The following ZNF521 variants were observed in gnomAD, a reference collection of about 807,000 sequenced individuals.
ZNF521 encodes the protein zinc finger protein 521.
A neutral mutation model predicts 105.5 loss-of-function variants in ZNF521; 14 were observed. The observed-to-expected ratio is 0.13, with a 90% CI of 0.09 to 0.21. The LOEUF is 0.21. Among genes scored for constraint, ZNF521 ranks in the 10% least tolerant of loss-of-function variants. The probability of loss-of-function intolerance (pLI) is 1.00; values close to 1 mark genes in which losing one functional copy is unlikely to be tolerated. For missense variants in ZNF521, 1,233 were observed against 1,629.7 expected, an observed-to-expected ratio of 0.76 and a Z score of 4.19; for synonymous variants, 635 against 606.0, an observed-to-expected ratio of 1.05 and a Z score of -0.70.
intron 2 of ZNF521, among the ~76,000 whole-genome samples, chr18:25,338,609 AC>A (rs1241611176): frequency 2.0e-5 from 3 of 152,014 alleles, no homozygotes; most frequent in African/African-American, 7.3e-5. Flanking sequence ...ATGGGGATTC[AC>A]CATGTTGCCC....
At chr18:25,088,642 A>C (rs1486688459) in intron 7 of ZNF521, among the ~76,000 whole-genome samples, 1 of 152,218 alleles carries the variant, frequency 6.6e-6, no homozygotes, top group Non-Finnish European at 1.5e-5. Flanking sequence ...ACCCATTTTC[A>C]AGGTGAAGTA....
At chr18:25,210,006 T>C (rs2036150605) in intron 4 of ZNF521, among the ~76,000 whole-genome samples, 1 of 152,190 alleles carries the variant, frequency 6.6e-6, no homozygotes, top group Non-Finnish European at 1.5e-5. Flanking sequence ...GAATAAGCTA[T>C]AGTTCTAGCA....
intron 3 of ZNF521, among the ~76,000 whole-genome samples, chr18:25,303,751 G>A (rs1911800353): frequency 6.6e-6 from 1 of 151,946 alleles, no homozygotes; most frequent in African/African-American, 2.4e-5. Flanking sequence ...ACTCACACTT[G>A]GTATAAATGG....
chr18:25,083,060 A>G (rs1235465883), intron 7 of ZNF521, among the ~76,000 whole-genome samples: 1 of 151,940 alleles, frequency 6.6e-6, no homozygotes, highest in Non-Finnish European at 1.5e-5. Flanking sequence ...TCCAAACTAC[A>G]CTCAGATTCT....
At chr18:25,348,346 A>C (rs1914552995) in intron 2 of ZNF521, among the ~76,000 whole-genome samples, 1 of 152,222 alleles carries the variant, frequency 6.6e-6, no homozygotes, top group Non-Finnish European at 1.5e-5. Context: ...AATACTGAAG[A>C]GAAGGCTAGG....
At chr18:25,145,454 C>T (rs539024757) in intron 5 of ZNF521, among the ~76,000 whole-genome samples, 9 of 152,192 alleles carry the variant, frequency 5.9e-5, no homozygotes, top group African/African-American at 2.2e-4. Context: ...ATGGCACAAC[C>T]ACCACCACCA....
intron 3 of ZNF521, among the ~76,000 whole-genome samples, chr18:25,257,542 G>A (rs1383363760): frequency 1.3e-5 from 2 of 152,134 alleles, no homozygotes; most frequent in African/African-American, 4.8e-5. Context: ...ACTGTCTCAA[G>A]GTGGAGGGTG....
chr18:25,281,644 A>G (rs1910387067), intron 3 of ZNF521, among the ~76,000 whole-genome samples: 1 of 152,194 alleles, frequency 6.6e-6, no homozygotes, highest in Non-Finnish European at 1.5e-5. Context: ...TAGTAGCTCC[A>G]TTTTACAGAT....
chr18:25,264,155 A>C (rs1457333850), intron 3 of ZNF521, among the ~76,000 whole-genome samples: 2 of 152,178 alleles, frequency 1.3e-5, no homozygotes. Flanking sequence ...TTTGGACCGC[A>C]ACTACTCTTG....
intron 2 of ZNF521, among the ~76,000 whole-genome samples, chr18:25,330,986 A>C (rs1173636626): frequency 6.6e-6 from 1 of 152,224 alleles, no homozygotes; most frequent in Non-Finnish European, 1.5e-5. Flanking sequence ...AAGGGCTTAA[A>C]GTAAAATACC....
At chr18:25,068,712 C>T (rs569331223) in intron 7 of ZNF521, among the ~76,000 whole-genome samples, 64 of 152,216 alleles carry the variant, frequency 4.2e-4, no homozygotes, top group Non-Finnish European at 7.8e-4. Flanking sequence ...CCCTGAAGGC[C>T]AAAGAGGCAT....
At chr18:25,177,421 T>C (rs575473293) in intron 5 of ZNF521, among the ~76,000 whole-genome samples, 1 of 152,254 alleles carries the variant, frequency 6.6e-6, no homozygotes, top group South Asian at 2.1e-4. Context: ...AAAACTTGAG[T>C]AGGAAAAACG....
intron 5 of ZNF521, among the ~76,000 whole-genome samples, chr18:25,131,313 A>G (rs929560105): frequency 6.6e-5 from 10 of 152,262 alleles, no homozygotes; most frequent in Middle Eastern, 3.4e-3. Context: ...GTAAGGCTCC[A>G]TTTCTCTGTC....
intron 5 of ZNF521, among the ~76,000 whole-genome samples, chr18:25,192,272 T>C (rs181629724): frequency 2.0e-5 from 3 of 152,284 alleles, no homozygotes; most frequent in South Asian, 2.1e-4. Flanking sequence ...ACTCAGACCA[T>C]GTGTCCACAC....
intron 3 of ZNF521, among the ~76,000 whole-genome samples, chr18:25,299,554 T>C (rs12967112): frequency 0.062 from 9,415 of 152,250 alleles, 426 homozygotes; most frequent in Non-Finnish European, 0.085. Flanking sequence ...TAAAATATGT[T>C]GGGGAACAAC....
chr18:25,303,506 C>T (rs909738046), intron 3 of ZNF521, among the ~76,000 whole-genome samples: 71 of 152,158 alleles, frequency 4.7e-4, no homozygotes, highest in African/African-American at 1.6e-3. Flanking sequence ...CTATGTTGGC[C>T]AGGCTGGTCT....
At chr18:25,123,197 C>A (rs9955601) in intron 5 of ZNF521, among the ~76,000 whole-genome samples, 5,785 of 151,686 alleles carry the variant, frequency 0.038, 178 homozygotes, top group African/African-American at 0.083. Context: ...GTAAGAGAAG[C>A]AAACACTGTT....
chr18:25,278,750 A>G (rs894754219), intron 3 of ZNF521, among the ~76,000 whole-genome samples: 27 of 151,274 alleles, frequency 1.8e-4, no homozygotes, highest in African/African-American at 6.1e-4. Flanking sequence ...GTTTAAAAAA[A>G]AAATCTCTCT....
intron 3 of ZNF521, among the ~76,000 whole-genome samples, chr18:25,236,752 A>G (rs1218409122): frequency 6.6e-6 from 1 of 152,166 alleles, no homozygotes; most frequent in Non-Finnish European, 1.5e-5. Context: ...CCCAAATGAT[A>G]TAAGACAATC....
Sources: allele counts gnomAD v4.1 joint callset (sites outside exome capture counted in the v4.1 genomes callset), GRCh38; gene constraint gnomAD v4.1.1; transcripts MANE v1.5; gene names NCBI Gene and HGNC (gene_info 2026-07-23, HGNC 2026-07-21).